The following TNPO1 variants were observed in gnomAD, a reference collection of about 807,000 sequenced individuals.
The protein encoded by TNPO1 is transportin 1, also known as transportin-1.
A neutral mutation model predicts 119.5 loss-of-function variants in TNPO1; 8 were observed. The observed-to-expected ratio is 0.07, with a 90% CI of 0.04 to 0.12. TNPO1 has a LOEUF of 0.12. Among genes scored for constraint, TNPO1 ranks in the 10% least tolerant of loss-of-function variants. The probability of loss-of-function intolerance (pLI) is 1.00; values close to 1 mark genes in which losing one functional copy is unlikely to be tolerated. For synonymous variants in TNPO1, 362 were observed against 363.0 expected, an observed-to-expected ratio of 1.00 and a Z score of 0.03; for missense variants, 576 against 1,089.8, an observed-to-expected ratio of 0.53 and a Z score of 6.64.
chr5:72,856,253 T>G (rs910867206), intron 4 of TNPO1, among the ~76,000 whole-genome samples: 2 of 152,122 alleles, frequency 1.3e-5, no homozygotes, highest in African/African-American at 4.8e-5. Context: ...TTTGTTTTTT[T>G]TTGAAGCAGT....
intron 7 of TNPO1, among the ~76,000 whole-genome samples, chr5:72,875,234 C>T (rs1178492725): frequency 6.6e-6 from 1 of 152,126 alleles, no homozygotes; most frequent in Non-Finnish European, 1.5e-5. Flanking sequence ...GAATCTGTAT[C>T]ACCTTTTTAT....
At chr5:72,850,762 T>C (rs1409085060) in intron 2 of TNPO1, among the ~76,000 whole-genome samples, 1 of 152,244 alleles carries the variant, frequency 6.6e-6, no homozygotes, top group Non-Finnish European at 1.5e-5. Context: ...AATGGCACTT[T>C]ATCTTTTTGG....
chr5:72,901,663 C>A (rs371751362), intron 22 of TNPO1, among the ~76,000 whole-genome samples: 1 of 152,032 alleles, frequency 6.6e-6, no homozygotes, highest in African/African-American at 2.4e-5. Flanking sequence ...TCTAGACACA[C>A]AAAACAAAAA....
At chr5:72,897,739 G>A (rs1749536032) in intron 20 of TNPO1, among the ~76,000 whole-genome samples, 1 of 151,420 alleles carries the variant, frequency 6.6e-6, no homozygotes, top group African/African-American at 2.4e-5. Flanking sequence ...GGTGGATTCG[G>A]TCCTTTTCTT....
At chr5:72,880,264 C>T (rs1004636754) in intron 9 of TNPO1, among the ~76,000 whole-genome samples, 1 of 151,972 alleles carries the variant, frequency 6.6e-6, no homozygotes, top group African/African-American at 2.4e-5. Flanking sequence ...TATAGTCTCC[C>T]TTTTTTTATT....
chr5:72,857,303 C>T (rs374832710), intron 4 of TNPO1, among the ~76,000 whole-genome samples: 2 of 146,450 alleles, frequency 1.4e-5, no homozygotes, highest in African/African-American at 5.1e-5. Flanking sequence ...GGGTGACGAG[C>T]GAAAATCTGT....
chr5:72,902,960 C>G (rs1749902612), intron 22 of TNPO1, among the ~76,000 whole-genome samples: 1 of 151,968 alleles, frequency 6.6e-6, no homozygotes, highest in Non-Finnish European at 1.5e-5. Context: ...GTGAAGTTTT[C>G]TGAATATAAT....
intron 9 of TNPO1, chr5:72,878,915 T>G (rs754481004): frequency 1.9e-6 from 1 of 513,444 alleles, no homozygotes; most frequent in Non-Finnish European, 4.0e-6. Flanking sequence ...TGTCCAATGG[T>G]CTCAGCAGGA....
Position 72,867,108 on chromosome 5 carries a change from G to C in TNPO1, c.596+1379G>C, listed in dbSNP as rs538080065. Among the ~76,000 whole-genome samples the C allele has an allele frequency of 2.0e-5, 3 of 152,016 alleles. No individual in the cohort carries two copies. In the South Asian group the frequency reaches 6.2e-4, roughly 32 times the overall value. ...CAAGCAGGAGAATCAGTTGAACCCA[G>C]GAATTCAAGGCTGCAGTGAGCCACT... On this transcript the variant is annotated intron_variant, in intron 6 of 24. Coordinates refer to ENST00000337273, the MANE Select transcript of TNPO1 (RefSeq NM_002270.4).
At chr5:72,826,812 A>G (rs1295431785) in intron 1 of TNPO1, among the ~76,000 whole-genome samples, 1 of 152,176 alleles carries the variant, frequency 6.6e-6, no homozygotes, top group Admixed American at 6.5e-5. Flanking sequence ...ACATAACCAA[A>G]TGCATACTAA....
At chr5:72,836,702 A>G (rs1156508833) in intron 1 of TNPO1, among the ~76,000 whole-genome samples, 1 of 152,114 alleles carries the variant, frequency 6.6e-6, no homozygotes, top group East Asian at 1.9e-4. Context: ...TTTAGTTACA[A>G]ATTCCATCTT....
At chr5:72,819,971 T>C (rs1172674153) in intron 1 of TNPO1, among the ~76,000 whole-genome samples, 1 of 152,226 alleles carries the variant, frequency 6.6e-6, no homozygotes, top group Non-Finnish European at 1.5e-5. Flanking sequence ...CAGAAAACTA[T>C]AGAAAACCAT....
At chr5:72,870,559 A>T (rs1271167067) in intron 6 of TNPO1, among the ~76,000 whole-genome samples, 1 of 152,178 alleles carries the variant, frequency 6.6e-6, no homozygotes, top group African/African-American at 2.4e-5. Context: ...TGGTCTTATG[A>T]TACTATTGTA....
chr5:72,899,914 G>C, intron 20 of TNPO1, 92 bp from the exon 21 acceptor site: 1 of 990,750 alleles, frequency 1.0e-6, no homozygotes, highest in Non-Finnish European at 1.6e-6. Context: ...TGAGTTATTT[G>C]TTGTTTTTTC....
At chr5:72,877,668 A>G (rs534365125) in intron 9 of TNPO1, among the ~76,000 whole-genome samples, 1 of 152,152 alleles carries the variant, frequency 6.6e-6, no homozygotes, top group Non-Finnish European at 1.5e-5. Flanking sequence ...TCTATTGTGA[A>G]GTTTTGTTTT....
intron 6 of TNPO1, among the ~76,000 whole-genome samples, chr5:72,869,031 A>G (rs921471282): frequency 6.6e-6 from 1 of 152,290 alleles, no homozygotes; most frequent in East Asian, 1.9e-4. Context: ...AGTTTATAAC[A>G]TATTGCAATG....
chr5:72,905,412 C>T lies in TNPO1; in HGVS notation c.*2C>T. On this transcript the variant is annotated 3_prime_UTR_variant, in exon 24 of 25. Transcript: ENST00000337273. Reference sequence around the variant, plus strand: ...CTTGCAGCTTTTTATGGTGTTTAATCTAATACACTTAAGCTGCAGTCCCAA... The same window carrying T: ...CTTGCAGCTTTTTATGGTGTTTAATTTAATACACTTAAGCTGCAGTCCCAA... 1 of 1,595,782 alleles carries T rather than the reference C, an allele frequency of 6.3e-7. No homozygotes were observed. The highest frequency in any genetic ancestry group is 8.5e-7 in the Non-Finnish European group (1 of 1,170,860).
Position 72,897,112 on chromosome 5 carries a change from A to G in TNPO1, c.2299A>G (p.Asn767Asp). 1 of 1,612,140 alleles carries G rather than the reference A, an allele frequency of 6.2e-7. No homozygotes were observed. Among genetic ancestry groups the G allele is most frequent in the South Asian group, 1.1e-5 (1 of 90,804 alleles). Residue 767 changes from asparagine (N) to aspartate (D), a missense_variant, in exon 20 of 25, where the codon AAC becomes GAC. By Grantham distance (23) the Asn-to-Asp change is conservative. This residue lies in a region of TNPO1 where 162 missense variants were observed against 294.1 expected (regional missense o/e 0.55). Transcript: ENST00000337273. ...GTTGCACCAGCTTGTAGAAATCATTAACAGACCCAACACACCAAAGACGTT... is the reference window on the plus strand; with the variant it reads ...GTTGCACCAGCTTGTAGAAATCATTGACAGACCCAACACACCAAAGACGTT... The part of the protein sequence containing the change: ...MVLHQLVEII[N>D]RPNTPKTLLE...
intron 14 of TNPO1, 26 bp downstream of exon 14, chr5:72,889,983 G>A (rs1748927753): frequency 6.2e-7 from 1 of 1,601,132 alleles, no homozygotes; most frequent in African/African-American, 1.3e-5. Context: ...GAACTATTAG[G>A]GAAAATAATG....
Sources: allele counts gnomAD v4.1 joint callset (sites outside exome capture counted in the v4.1 genomes callset), GRCh38; gene constraint gnomAD v4.1.1; regional missense constraint gnomAD v4.1.1; transcripts MANE v1.5; gene names NCBI Gene and HGNC (gene_info 2026-07-23, HGNC 2026-07-21).